Variants in OXR1 observed in about 807,000 individuals in gnomAD.
OXR1 encodes oxidation resistance protein 1.
Under a neutral mutation model 104.6 loss-of-function variants are expected in OXR1, and 41 were observed. The ratio of observed to expected loss-of-function variants is 0.39; its 90% confidence interval spans 0.31 to 0.51. The LOEUF is 0.51. Among genes scored for constraint, OXR1 ranks in the 20% least tolerant of loss-of-function variants. The pLI is 0.77. For synonymous variants in OXR1, 348 were observed against 348.4 expected, an observed-to-expected ratio of 1.00 and a Z score of 0.01; for missense variants, 955 against 1,031.9, an observed-to-expected ratio of 0.93 and a Z score of 1.02.
chr8:106,713,037 G>C (rs548845868), intron 10 of OXR1, among the ~76,000 whole-genome samples: 1 of 151,880 alleles, frequency 6.6e-6, no homozygotes, highest in African/African-American at 2.4e-5. Flanking sequence ...TGATAAAAAG[G>C]TAAGATGTTA....
intron 2 of OXR1, among the ~76,000 whole-genome samples, chr8:106,384,982 T>C (rs1817312766): frequency 1.3e-5 from 2 of 152,288 alleles, no homozygotes; most frequent in South Asian, 4.1e-4. Flanking sequence ...CCCAAAGTGC[T>C]GGGATTACAG....
chr8:106,542,851 T>C (rs1367654859), intron 3 of OXR1, among the ~76,000 whole-genome samples: 1 of 152,162 alleles, frequency 6.6e-6, no homozygotes, highest in East Asian at 1.9e-4. Flanking sequence ...ACTTTAATAT[T>C]TTTAGCAAAC....
At chr8:106,540,053 A>C (rs1428830568) in intron 3 of OXR1, among the ~76,000 whole-genome samples, 1 of 152,226 alleles carries the variant, frequency 6.6e-6, no homozygotes, top group Non-Finnish European at 1.5e-5. Flanking sequence ...GTCTTTGAAA[A>C]AGTCAAGTAT....
rs753029341 is a variant in OXR1 at position 106,684,357 on chromosome 8, A to G, written c.523A>G (p.Thr175Ala). Reference sequence around the variant, plus strand: ...ATCTGAGGCTGAATTTGATAAGACCACTGTAAGTATCTCTGCTTTGCAAAG... The same window carrying G: ...ATCTGAGGCTGAATTTGATAAGACCGCTGTAAGTATCTCTGCTTTGCAAAG... ...TSSEAEFDKTTNPDVHPTEAT... is the reference protein window; with the variant it reads ...TSSEAEFDKTANPDVHPTEAT... The change falls in exon 6 of 17, where the codon ACT (threonine) becomes GCT (alanine). Residue 175 changes from threonine (T) to alanine (A), a missense_variant and splice_region_variant. Coordinates refer to ENST00000517566, the MANE Select transcript of OXR1 (RefSeq NM_001198533.2). 1.4e-6 allele frequency: 2 copies of G among 1,467,458 alleles called. No individual in the cohort carries two copies. The highest frequency in any genetic ancestry group is 1.1e-5 in the South Asian group (1 of 87,956). The allele number at this position is 1,467,458 out of a possible 1,614,324, so 90.9% of individuals were successfully genotyped here.
chr8:106,317,807 C>T (rs1362420897), intron 1 of OXR1, among the ~76,000 whole-genome samples: 1 of 144,486 alleles, frequency 6.9e-6, no homozygotes, highest in African/African-American at 2.7e-5. Context: ...AAAAAAAAAA[C>T]AAAAAGGAGT....
chr8:106,626,345 A>G (rs1217693911), intron 3 of OXR1, among the ~76,000 whole-genome samples: 1 of 151,536 alleles, frequency 6.6e-6, no homozygotes, highest in East Asian at 1.9e-4. Context: ...AAAAAAAAAA[A>G]GTCTTTCCTG....
At chr8:106,418,119 T>A (rs986105125) in intron 2 of OXR1, among the ~76,000 whole-genome samples, 1 of 152,092 alleles carries the variant, frequency 6.6e-6, no homozygotes, top group African/African-American at 2.4e-5. Flanking sequence ...ATGTATAGAA[T>A]TTTATTAAAA....
chr8:106,419,857 T>C (rs1181806366), intron 2 of OXR1, among the ~76,000 whole-genome samples: 2 of 152,282 alleles, frequency 1.3e-5, no homozygotes, highest in Non-Finnish European at 2.9e-5. Flanking sequence ...CGAATTGGAC[T>C]CTGCATTCAA....
chr8:106,661,987 T>C (rs546552526), intron 3 of OXR1, among the ~76,000 whole-genome samples: 35 of 152,246 alleles, frequency 2.3e-4, no homozygotes, highest in African/African-American at 7.7e-4. Flanking sequence ...GAAGCAGGGG[T>C]CCACTTTTTC....
rs188944804 is a variant in OXR1, at chr8:106,595,745, T to A, written c.220+76606T>A. Among the ~76,000 whole-genome samples the A allele has an allele frequency of 2.0e-5, 3 of 152,256 alleles. No homozygotes were observed. In the East Asian group the frequency reaches 5.8e-4, roughly 29 times the overall value. On this transcript the variant is annotated intron_variant, in intron 3 of 16. Coordinates refer to ENST00000517566, the MANE Select transcript of OXR1 (RefSeq NM_001198533.2). ...AATAATCCCACATGCCTCATAGAGA[T>A]GCAGCATATCCCATAAACATTTGTG...
At chr8:106,292,219 G>A (rs1812784473) in intron 1 of OXR1, among the ~76,000 whole-genome samples, 1 of 152,194 alleles carries the variant, frequency 6.6e-6, no homozygotes, top group African/African-American at 2.4e-5. Flanking sequence ...AAGCACAAGA[G>A]TAGTGATGCT....
At chr8:106,419,386 A>T (rs149162892) in intron 2 of OXR1, among the ~76,000 whole-genome samples, 1 of 152,202 alleles carries the variant, frequency 6.6e-6, no homozygotes, top group African/African-American at 2.4e-5. Flanking sequence ...TCAAGGTCAC[A>T]TGATGAGTCT....
chr8:106,346,017 T>G (rs1815461793), intron 1 of OXR1, among the ~76,000 whole-genome samples: 1 of 152,086 alleles, frequency 6.6e-6, no homozygotes, highest in South Asian at 2.1e-4. Context: ...ATTTTAAAAC[T>G]ATGTAAGATA....
At chr8:106,598,732 T>C (rs1213941580) in intron 3 of OXR1, among the ~76,000 whole-genome samples, 1 of 152,256 alleles carries the variant, frequency 6.6e-6, no homozygotes, top group Non-Finnish European at 1.5e-5. Context: ...GTGATTAATA[T>C]TCATATTTAC....
chr8:106,502,765 CT>C (rs1239826078), intron 2 of OXR1, among the ~76,000 whole-genome samples: 1 of 152,110 alleles, frequency 6.6e-6, no homozygotes, highest in Non-Finnish European at 1.5e-5. Flanking sequence ...AGAAGAAGTC[CT>C]TTATCCCACT....
intron 2 of OXR1, among the ~76,000 whole-genome samples, chr8:106,498,642 A>AGT (rs1198139184): frequency 6.6e-6 from 1 of 151,706 alleles, no homozygotes. Context: ...TGTGTGTGTG[A>AGT]GTGTGTGTGT....
intron 1 of OXR1, among the ~76,000 whole-genome samples, chr8:106,322,107 T>C (rs937712118): frequency 6.6e-6 from 1 of 152,210 alleles, no homozygotes; most frequent in African/African-American, 2.4e-5. Flanking sequence ...TTTTGCGTAT[T>C]GAGTTTCAAT....
At chr8:106,311,125 T>C (rs534325914) in intron 1 of OXR1, among the ~76,000 whole-genome samples, 8 of 152,120 alleles carry the variant, frequency 5.3e-5, no homozygotes, top group Non-Finnish European at 7.4e-5. Flanking sequence ...TCATTATTTT[T>C]CTACTTTGTG....
chr8:106,448,727 T>C (rs1470187731), intron 2 of OXR1, among the ~76,000 whole-genome samples: 2 of 152,166 alleles, frequency 1.3e-5, no homozygotes, highest in Non-Finnish European at 2.9e-5. Flanking sequence ...TTGCCCTTGG[T>C]AGATGACCAG....
Sources: allele counts gnomAD v4.1 joint callset (sites outside exome capture counted in the v4.1 genomes callset), GRCh38; gene constraint gnomAD v4.1.1; transcripts MANE v1.5; gene names NCBI Gene and HGNC (gene_info 2026-07-23, HGNC 2026-07-21).